Variants in FNBP1L observed in about 807,000 individuals in gnomAD.
FNBP1L encodes formin-binding protein 1-like.
Under a neutral mutation model 91.2 loss-of-function variants are expected in FNBP1L, and 36 were observed. That is an observed-to-expected ratio of 0.39 (90% CI 0.30 to 0.52). FNBP1L has a LOEUF of 0.52. Ranked by LOEUF, FNBP1L falls within the 20% of genes least tolerant of loss-of-function variation. The pLI, the probability that FNBP1L is intolerant of heterozygous loss-of-function variation, is 0.66. For missense variants in FNBP1L, 571 were observed against 732.1 expected, an observed-to-expected ratio of 0.78 and a Z score of 2.54; for synonymous variants, 242 against 237.0, an observed-to-expected ratio of 1.02 and a Z score of -0.19.
rs557163537 is a variant in FNBP1L at position 93,551,616 on chromosome 1, AAAT to A, written c.1810+517_1810+519del. 200 of 984,866 alleles carry A rather than the reference AAAT, an allele frequency of 2.0e-4. 1 individual carries two copies. The South Asian group carries it at 7.4e-3, about 37-fold the overall frequency. The allele number at this position is 984,866 out of a possible 1,614,324, so 61.0% of individuals were successfully genotyped here. A position where few individuals can be genotyped will look rare whatever the true frequency, so the allele number is the denominator to read the frequency against. ...AAAATAGTAGTTGGATAATTTAGTA[AAAT>A]AATAACATCATTTTCATTTTCTTAC... On this transcript the variant is annotated intron_variant, in intron 16 of 16. Coordinates refer to ENST00000271234, the MANE Select transcript of FNBP1L (RefSeq NM_001164473.3).
At chr1:93,494,130 T>C (rs928898843) in intron 1 of FNBP1L, among the ~76,000 whole-genome samples, 1 of 152,236 alleles carries the variant, frequency 6.6e-6, no homozygotes, top group African/African-American at 2.4e-5. Context: ...CAGGGGTTCC[T>C]GTGACCCCCT....
intron 14 of FNBP1L, among the ~76,000 whole-genome samples, chr1:93,548,755 T>G (rs1158325769): frequency 6.6e-6 from 1 of 152,184 alleles, no homozygotes; most frequent in Non-Finnish European, 1.5e-5. Context: ...ACAGAGTGAA[T>G]TCTCTTCGAA....
At chr1:93,456,346 T>A (rs1332833035) in intron 1 of FNBP1L, among the ~76,000 whole-genome samples, 2 of 152,156 alleles carry the variant, frequency 1.3e-5, no homozygotes, top group Non-Finnish European at 2.9e-5. Context: ...ATTTGTATAC[T>A]TGTTATAGTT....
chr1:93,469,076 C>T (rs998000422), intron 1 of FNBP1L, among the ~76,000 whole-genome samples: 5 of 151,970 alleles, frequency 3.3e-5, no homozygotes, highest in Non-Finnish European at 7.4e-5. Context: ...ACCTGCTTAC[C>T]TCAGTTAACT....
intron 1 of FNBP1L, among the ~76,000 whole-genome samples, chr1:93,471,686 C>T (rs566827421): frequency 6.6e-6 from 1 of 152,276 alleles, no homozygotes; most frequent in South Asian, 2.1e-4. Flanking sequence ...GAGTGAGACC[C>T]TGCCTCAAAA....
chr1:93,550,949 C>T lies in FNBP1L; in HGVS notation c.1654C>T (p.His552Tyr). 1 of 1,576,464 alleles carries T rather than the reference C, an allele frequency of 6.3e-7. No individual in the cohort carries two copies. The highest frequency in any genetic ancestry group is 1.2e-5 in the South Asian group (1 of 85,830). ...TGCTTGTGAAAACTCTCATCTAGGA[C>T]ATAATGAAGGTACTCTAGCAATGAA... Reference protein sequence around the residue: ...HCKAIYPFDGHNEGTLAMKEG... With the variant: ...HCKAIYPFDGYNEGTLAMKEG... Residue 552 changes from histidine (H) to tyrosine (Y), a missense_variant and splice_region_variant, in exon 16 of 17, where the codon CAT becomes TAT. This residue lies in a region of FNBP1L where 189 missense variants were observed against 219.7 expected (regional missense o/e 0.86). Coordinates refer to ENST00000271234, the MANE Select transcript of FNBP1L (RefSeq NM_001164473.3).
chr1:93,472,252 T>G (rs1282674104), intron 1 of FNBP1L, among the ~76,000 whole-genome samples: 1 of 152,222 alleles, frequency 6.6e-6, no homozygotes, highest in Non-Finnish European at 1.5e-5. Flanking sequence ...CTGAGTCATA[T>G]TCCCTTTTTA....
At position 93,457,537 on chromosome 1, in the gene FNBP1L, A is replaced by G. The variant is rs1450425436; in HGVS notation, c.24+9232A>G. 4.6e-5 allele frequency among the ~76,000 whole-genome samples: 7 copies of G among 152,170 alleles called. No individual in the cohort carries two copies. In the South Asian group the frequency reaches 1.2e-3, roughly 27 times the overall value. ...GCTAGACTAGCAAAACAGTGATTCTAATTTTTCAAGATTGGCAAACATCCT... is the reference window on the plus strand; with the variant it reads ...GCTAGACTAGCAAAACAGTGATTCTGATTTTTCAAGATTGGCAAACATCCT... On this transcript the variant is annotated intron_variant, in intron 1 of 16. Transcript: ENST00000271234.
intron 1 of FNBP1L, among the ~76,000 whole-genome samples, chr1:93,480,015 G>C (rs926628630): frequency 6.6e-6 from 1 of 152,166 alleles, no homozygotes; most frequent in South Asian, 2.1e-4. Context: ...TTCAGAGATT[G>C]AAGTAAAGAC....
intron 2 of FNBP1L, among the ~76,000 whole-genome samples, chr1:93,503,253 A>G (rs1392414216): frequency 6.6e-6 from 1 of 152,108 alleles, no homozygotes; most frequent in Non-Finnish European, 1.5e-5. Flanking sequence ...CGAAGGGGGA[A>G]TCCCACTGTA....
At chr1:93,531,919 T>TA (rs1570854715) in intron 7 of FNBP1L, among the ~76,000 whole-genome samples, 4 of 151,230 alleles carry the variant, frequency 2.6e-5, no homozygotes, top group South Asian at 2.1e-4. Context: ...ATAGGATATG[T>TA]CAAAAAAAAA....
chr1:93,466,636 C>G (rs1017921005), intron 1 of FNBP1L, among the ~76,000 whole-genome samples: 2 of 152,114 alleles, frequency 1.3e-5, no homozygotes, highest in African/African-American at 4.8e-5. Flanking sequence ...CAGGTAGCGT[C>G]ATGCCTCCAG....
At chr1:93,487,383 G>GTGTA (rs1272626058) in intron 1 of FNBP1L, among the ~76,000 whole-genome samples, 1 of 152,142 alleles carries the variant, frequency 6.6e-6, no homozygotes, top group Non-Finnish European at 1.5e-5. Context: ...TTCAAACTGA[G>GTGTA]TGTATAGTTT....
At chr1:93,462,222 A>G (rs1668892962) in intron 1 of FNBP1L, among the ~76,000 whole-genome samples, 1 of 152,228 alleles carries the variant, frequency 6.6e-6, no homozygotes, top group South Asian at 2.1e-4. Context: ...ACCTAAATAT[A>G]ATACCAAGCT....
At chr1:93,491,130 T>A (rs1670076856) in intron 1 of FNBP1L, among the ~76,000 whole-genome samples, 1 of 151,930 alleles carries the variant, frequency 6.6e-6, no homozygotes, top group Non-Finnish European at 1.5e-5. Context: ...TTATTTTTTT[T>A]AGAGATGGTC....
intron 1 of FNBP1L, among the ~76,000 whole-genome samples, chr1:93,480,265 A>G (rs1669650647): frequency 6.6e-6 from 1 of 152,210 alleles, no homozygotes; most frequent in Admixed American, 6.5e-5. Context: ...TCTAGTGGCC[A>G]CTTGTTCCAT....
At chr1:93,488,071 G>GAT (rs1669967292) in intron 1 of FNBP1L, among the ~76,000 whole-genome samples, 1 of 152,100 alleles carries the variant, frequency 6.6e-6, no homozygotes, top group South Asian at 2.1e-4. Context: ...GCTCAAAATT[G>GAT]ATGTTTGTTT....
At chr1:93,530,988 A>G in intron 7 of FNBP1L, 105 bp downstream of exon 7, 1 of 908,710 alleles carries the variant, frequency 1.1e-6, no homozygotes, top group South Asian at 2.0e-5. Flanking sequence ...ACTAGACATC[A>G]GGGTTGGGGT....
intron 2 of FNBP1L, among the ~76,000 whole-genome samples, chr1:93,512,651 A>G (rs962459128): frequency 6.7e-6 from 1 of 149,384 alleles, no homozygotes; most frequent in African/African-American, 2.4e-5. Flanking sequence ...TGGAAACTGA[A>G]CAACCTGCTC....
Sources: gnomAD v4.1 joint callset for allele counts (sites outside exome capture counted in the v4.1 genomes callset) on GRCh38, gnomAD v4.1.1 for gene constraint, gnomAD v4.1.1 regional missense constraint, MANE v1.5 for transcripts, NCBI Gene and HGNC (gene_info 2026-07-23, HGNC 2026-07-21) for gene names.